The following KCNH8 variants were observed in gnomAD, a reference collection of about 807,000 sequenced individuals.
KCNH8 encodes potassium voltage-gated channel subfamily H member 8, also known as voltage-gated delayed rectifier potassium channel KCNH8.
In KCNH8, 70 loss-of-function variants were observed where a neutral mutation model predicts 103.6. The ratio of observed to expected loss-of-function variants is 0.68; its 90% CI spans 0.56 to 0.82. The LOEUF (loss-of-function observed/expected upper bound fraction) is 0.82. Ranked by LOEUF, KCNH8 falls within the 40% of genes least tolerant of loss-of-function variation. The pLI is 0.00. For missense variants in KCNH8, 1,217 were observed against 1,329.9 expected (o/e 0.92, Z 1.32); for synonymous variants, 498 against 489.4 (o/e 1.02, Z -0.23).
At chr3:19,247,507 G>C (rs569264855) in intron 1 of KCNH8, among the ~76,000 whole-genome samples, 2 of 152,122 alleles carry the variant, frequency 1.3e-5, no homozygotes, top group African/African-American at 2.4e-5. Flanking sequence ...GAAAGCATAG[G>C]GGGGCAACTC....
intron 7 of KCNH8, among the ~76,000 whole-genome samples, chr3:19,412,242 A>C (rs772596493): frequency 2.5e-4 from 38 of 152,020 alleles, no homozygotes; most frequent in Non-Finnish European, 5.3e-4. Context: ...AAAGCCATAC[A>C]CCTACAGCCA....
intron 1 of KCNH8, among the ~76,000 whole-genome samples, chr3:19,193,289 G>T (rs968377180): frequency 4.0e-5 from 6 of 151,634 alleles, no homozygotes; most frequent in Admixed American, 3.3e-4. Flanking sequence ...GACTATGAAT[G>T]TAAATTAGCA....
At chr3:19,467,369 A>C (rs989464771) in intron 11 of KCNH8, among the ~76,000 whole-genome samples, 36 of 152,170 alleles carry the variant, frequency 2.4e-4, no homozygotes, top group African/African-American at 8.4e-4. Flanking sequence ...CCTGCAAAGA[A>C]GGCATGGGAT....
chr3:19,521,810 A>C (rs2068976778), intron 15 of KCNH8, among the ~76,000 whole-genome samples: 1 of 151,948 alleles, frequency 6.6e-6, no homozygotes, highest in Admixed American at 6.6e-5. Context: ...ATTCTGTAAG[A>C]CTTATGGATT....
intron 5 of KCNH8, among the ~76,000 whole-genome samples, chr3:19,372,148 G>A (rs1005295821): frequency 7.2e-5 from 11 of 152,124 alleles, no homozygotes; most frequent in Non-Finnish European, 1.3e-4. Flanking sequence ...ATTCTGTGAA[G>A]AAAGTCATTG....
intron 11 of KCNH8, among the ~76,000 whole-genome samples, chr3:19,474,218 A>C (rs1471845135): frequency 6.6e-6 from 1 of 152,200 alleles, no homozygotes; most frequent in East Asian, 1.9e-4. Context: ...ACAAATTGCA[A>C]AATCCCAGGA....
chr3:19,362,655 T>C (rs149663466), intron 5 of KCNH8, among the ~76,000 whole-genome samples: 10 of 152,222 alleles, frequency 6.6e-5, no homozygotes, highest in Non-Finnish European at 1.5e-4. Flanking sequence ...GTATTTGTTT[T>C]TGTTTTTGTT....
chr3:19,290,711 T>C (rs2064907904), intron 3 of KCNH8, among the ~76,000 whole-genome samples: 1 of 152,200 alleles, frequency 6.6e-6, no homozygotes, highest in Admixed American at 6.5e-5. Flanking sequence ...AAATTCTCTT[T>C]TTTGGTTGTT....
chr3:19,247,558 T>C (rs972875837), intron 1 of KCNH8, among the ~76,000 whole-genome samples: 1 of 152,208 alleles, frequency 6.6e-6, no homozygotes, highest in African/African-American at 2.4e-5. Flanking sequence ...TCTTGCTCTG[T>C]GCAGGAAAGT....
At chr3:19,224,712 G>A (rs1000472624) in intron 1 of KCNH8, among the ~76,000 whole-genome samples, 1 of 151,854 alleles carries the variant, frequency 6.6e-6, no homozygotes. Context: ...AGCCTGTTTT[G>A]ATTTTTGACA....
chr3:19,188,235 A>C (rs1437069658), intron 1 of KCNH8, among the ~76,000 whole-genome samples: 1 of 152,076 alleles, frequency 6.6e-6, no homozygotes, highest in Non-Finnish European at 1.5e-5. Flanking sequence ...TGTAACTTTT[A>C]TGATAATATT....
chr3:19,175,480 A>T (rs1358664653), intron 1 of KCNH8, among the ~76,000 whole-genome samples: 1 of 152,164 alleles, frequency 6.6e-6, no homozygotes, highest in Non-Finnish European at 1.5e-5. Flanking sequence ...AAGTGCTAGG[A>T]TTACAGGCGT....
intron 3 of KCNH8, among the ~76,000 whole-genome samples, chr3:19,281,857 A>C (rs1431856140): frequency 6.6e-6 from 1 of 152,104 alleles, no homozygotes; most frequent in African/African-American, 2.4e-5. Flanking sequence ...AGACATAAAC[A>C]AGCTTTTCAG....
At chr3:19,477,920 C>G (rs948895778) in intron 11 of KCNH8, among the ~76,000 whole-genome samples, 3 of 151,198 alleles carry the variant, frequency 2.0e-5, no homozygotes, top group Admixed American at 2.0e-4. Flanking sequence ...ACCCTGACCC[C>G]CTGGCACCCT....
chr3:19,464,559 C>A (rs2067697316), intron 11 of KCNH8, among the ~76,000 whole-genome samples: 1 of 151,922 alleles, frequency 6.6e-6, no homozygotes, highest in Non-Finnish European at 1.5e-5. Context: ...TTTTATTCAT[C>A]AAAAGACAGC....
At chr3:19,352,646 C>A (rs527375619) in intron 5 of KCNH8, among the ~76,000 whole-genome samples, 1 of 152,026 alleles carries the variant, frequency 6.6e-6, no homozygotes, top group Non-Finnish European at 1.5e-5. Flanking sequence ...GGATACATAA[C>A]GAAATGAAGG....
chr3:19,342,149 G>C (rs1396549017), intron 3 of KCNH8, among the ~76,000 whole-genome samples: 1 of 151,996 alleles, frequency 6.6e-6, no homozygotes, highest in African/African-American at 2.4e-5. Context: ...TGTGAAAAAA[G>C]TAATAAGTAA....
chr3:19,234,507 G>C (rs2064036804), intron 1 of KCNH8, among the ~76,000 whole-genome samples: 1 of 152,220 alleles, frequency 6.6e-6, no homozygotes, highest in African/African-American at 2.4e-5. Flanking sequence ...CACTGCCCCA[G>C]GCGGGTGGGG....
intron 1 of KCNH8, among the ~76,000 whole-genome samples, chr3:19,235,592 T>G (rs560413236): frequency 1.9e-4 from 29 of 152,364 alleles, no homozygotes; most frequent in African/African-American, 6.5e-4. Context: ...ATTACTCTCT[T>G]CAATTTTTAT....
Sources: gnomAD v4.1 joint callset for allele counts (sites outside exome capture counted in the v4.1 genomes callset) on GRCh38, gnomAD v4.1.1 for gene constraint, MANE v1.5 for transcripts, NCBI Gene and HGNC (gene_info 2026-07-23, HGNC 2026-07-21) for gene names.